Variants in ZNF490 observed in about 807,000 individuals in gnomAD.
ZNF490 encodes zinc finger protein 490.
ZNF490 carries 11 observed loss-of-function variants against 17.7 expected under a neutral mutation model. The ratio of observed to expected loss-of-function variants is 0.62; its 90% CI spans 0.39 to 1.03. ZNF490 has a LOEUF of 1.03. Ranked by LOEUF, ZNF490 falls within the 50% of genes least tolerant of loss-of-function variation. ZNF490 has a pLI of 0.00. For missense variants in ZNF490, 542 were observed against 643.4 expected (o/e 0.84, Z 1.71); for synonymous variants, 222 against 216.1 (o/e 1.03, Z -0.24).
Position 12,578,604 on chromosome 19 carries a change from T to A in ZNF490, c.*1881A>T. The A allele has an allele frequency of 1.0e-6, 1 of 985,498 alleles. No homozygotes were observed. The highest frequency in any genetic ancestry group is 1.2e-6 in the Non-Finnish European group (1 of 829,954). 61.0% of individuals were successfully genotyped at this position (985,498 alleles called of 1,614,324 possible). A position where few individuals can be genotyped will look rare whatever the true frequency, so the allele number is the denominator to read the frequency against. On this transcript the variant is annotated 3_prime_UTR_variant, in exon 5 of 5. Transcript: ENST00000311437. The stretch of plus-strand genomic sequence containing the variant: ...CAATGTCTGTGAATTAGGATGTGCA[T>A]AGGCAGATCCCACTTGGGGAAAAAC...
At chr19:12,599,339 TC>T (rs140618782) in intron 2 of ZNF490, among the ~76,000 whole-genome samples, 2,682 of 152,114 alleles carry the variant, frequency 0.018, 91 homozygotes, top group African/African-American at 0.063. Flanking sequence ...TTAGGACAAG[TC>T]AGAAAGTCAA....
At chr19:12,582,977 G>T in intron 3 of ZNF490, 67 bp from the exon 4 acceptor site, 1 of 1,287,352 alleles carries the variant, frequency 7.8e-7, no homozygotes, top group Non-Finnish European at 1.1e-6. Flanking sequence ...AACACTCTAA[G>T]ATCCATGATT....
In ZNF490 at chr19:12,610,660, G is replaced by C; in HGVS notation, c.21C>G (p.Leu7=). 1.9e-6 allele frequency: 3 copies of C among 1,613,842 alleles called. No individual in the cohort carries two copies. Among genetic ancestry groups the C allele is most frequent in the Middle Eastern group, 1.6e-4 (1 of 6,062 alleles). ...CGAGGGGTCGCTCCATCTGGAAACT[G>C]AGACTGGAATTCCTGCGCATCCCTG... is the stretch of plus-strand genomic sequence containing the variant. The part of the protein sequence containing the change: MRRNSS[L]SFQMERPLEE... The change falls in exon 1 of 5, where the codon CTC becomes CTG. Residue 7 remains leucine (L), a synonymous_variant. Transcript: ENST00000311437.
chr19:12,576,590 T>C lies in ZNF490; in HGVS notation c.*3895A>G, dbSNP rs1198584951. Among the ~76,000 whole-genome samples the C allele has an allele frequency of 1.3e-5, 2 of 149,784 alleles. No individual in the cohort carries two copies. Among genetic ancestry groups the C allele is most frequent in the Admixed American group, 1.3e-4 (2 of 14,978 alleles). On this transcript the variant is annotated 3_prime_UTR_variant, in exon 5 of 5. Transcript: ENST00000311437. Reference sequence around the variant, plus strand: ...AGCACTTTGGGGAGACCGAGGTGGGTGGATCACAAGGTCAGGAGATTGAGA... The same window carrying C: ...AGCACTTTGGGGAGACCGAGGTGGGCGGATCACAAGGTCAGGAGATTGAGA...
intron 2 of ZNF490, among the ~76,000 whole-genome samples, chr19:12,599,387 G>T (rs1463135927): frequency 6.6e-6 from 1 of 152,094 alleles, no homozygotes; most frequent in East Asian, 1.9e-4. Flanking sequence ...AAGAATTTAT[G>T]AAAGGGAACT....
Position 12,580,278 on chromosome 19 carries a change from CA to C in ZNF490, c.*206del. On this transcript the variant is annotated 3_prime_UTR_variant, in exon 5 of 5. Coordinates refer to ENST00000311437, the MANE Select transcript of ZNF490 (RefSeq NM_020714.3). ...CTTTTCTGTCCATGGAGTCCATTCA[CA>C]TATCTGCAATCCCGCAGGAGAGTGC... 7.4e-7 allele frequency: 1 copy of C among 1,350,126 alleles called. No individual in the cohort carries two copies. The allele number at this position is 1,350,126 out of a possible 1,614,324, so 83.6% of individuals were successfully genotyped here. A position where few individuals can be genotyped will look rare whatever the true frequency, so the allele number is the denominator to read the frequency against.
In ZNF490 at chr19:12,580,282, T is replaced by C; in HGVS notation, c.*203A>G. On this transcript the variant is annotated 3_prime_UTR_variant, in exon 5 of 5. Transcript: ENST00000311437. ...TCTGTCCATGGAGTCCATTCACATA[T>C]CTGCAATCCCGCAGGAGAGTGCAAG... 1 of 1,352,714 alleles carries C rather than the reference T, an allele frequency of 7.4e-7. No individual in the cohort carries two copies. 83.8% of individuals were successfully genotyped at this position (1,352,714 alleles called of 1,614,324 possible). A position where few individuals can be genotyped will look rare whatever the true frequency, so the allele number is the denominator to read the frequency against.
intron 2 of ZNF490, chr19:12,597,244 A>C: frequency 2.2e-6 from 1 of 452,898 alleles, no homozygotes; most frequent in Non-Finnish European, 4.5e-6. Context: ...AGCCACAGAC[A>C]GTCCGAGGCT....
chr19:12,592,013 C>A (rs775689848), intron 2 of ZNF490, among the ~76,000 whole-genome samples: 18 of 152,086 alleles, frequency 1.2e-4, no homozygotes, highest in Non-Finnish European at 2.6e-4. Context: ...AATGGATAAA[C>A]CATCTGGTTC....
chr19:12,590,886 G>A (rs957400788), intron 2 of ZNF490, among the ~76,000 whole-genome samples: 2 of 150,542 alleles, frequency 1.3e-5, no homozygotes, highest in Non-Finnish European at 2.9e-5. Flanking sequence ...CAAGACCAAT[G>A]TGGGCAACAT....
chr19:12,605,954 C>T (rs1033617803), intron 2 of ZNF490, among the ~76,000 whole-genome samples: 7 of 151,592 alleles, frequency 4.6e-5, no homozygotes, highest in Admixed American at 4.0e-4. Flanking sequence ...GATCTTGGCT[C>T]ACCGCAACCT....
intron 2 of ZNF490, among the ~76,000 whole-genome samples, chr19:12,597,818 T>C (rs2022953164): frequency 6.6e-6 from 1 of 152,206 alleles, no homozygotes; most frequent in African/African-American, 2.4e-5. Flanking sequence ...GCACGTTGGC[T>C]CAAGCCTGTA....
chr19:12,583,298 C>T, intron 3 of ZNF490, 132 bp downstream of exon 3: 1 of 1,100,176 alleles, frequency 9.1e-7, no homozygotes, highest in African/African-American at 1.6e-5. Flanking sequence ...CTCAGCCTCC[C>T]AAAGCACTGG....
chr19:12,602,740 T>G (rs1274460726), intron 2 of ZNF490, among the ~76,000 whole-genome samples: 1 of 151,358 alleles, frequency 6.6e-6, no homozygotes, highest in African/African-American at 2.4e-5. Context: ...TTCTCTCACC[T>G]CAGCCTCCCG....
In ZNF490 at chr19:12,578,946, G is replaced by A. The variant is rs1212037262; in HGVS notation, c.*1539C>T. The A allele has an allele frequency of 3.0e-6, 3 of 985,364 alleles. No individual in the cohort carries two copies. The African/African-American group carries it at 5.2e-5, about 17-fold the overall frequency. 61.0% of individuals were successfully genotyped at this position (985,364 alleles called of 1,614,324 possible). A position where few individuals can be genotyped will look rare whatever the true frequency, so the allele number is the denominator to read the frequency against. The stretch of plus-strand genomic sequence containing the variant: ...AGAAGGTGGCTCTCCAGTGTGGGTG[G>A]TTTCATGGTTTTAAAATGAACTGGA... On this transcript the variant is annotated 3_prime_UTR_variant, in exon 5 of 5. Transcript: ENST00000311437.
chr19:12,580,973 C>CA lies in ZNF490; in HGVS notation c.1101dup (p.Gly368TrpfsTer8). ...GAACTAGATGACTTGAAGGCTTCCC[C>CA]ACATTTCTTACATGTATAAGGTTGA... On this transcript the variant is annotated frameshift_variant, in exon 5 of 5. Coordinates refer to ENST00000311437, the MANE Select transcript of ZNF490 (RefSeq NM_020714.3). LOFTEE classifies it low-confidence loss of function (END_TRUNC). 1.2e-6 allele frequency: 2 copies of CA among 1,614,196 alleles called. No homozygotes were observed. Among genetic ancestry groups the CA allele is most frequent in the Non-Finnish European group, 1.7e-6 (2 of 1,180,052 alleles).
intron 2 of ZNF490, among the ~76,000 whole-genome samples, chr19:12,599,333 G>A (rs2022975060): frequency 6.6e-6 from 1 of 151,664 alleles, no homozygotes; most frequent in Admixed American, 6.6e-5. Flanking sequence ...GGATGTTTAG[G>A]ACAAGTCAGA....
At chr19:12,606,789 A>G (rs533368284) in intron 2 of ZNF490, among the ~76,000 whole-genome samples, 1 of 152,156 alleles carries the variant, frequency 6.6e-6, no homozygotes, top group Non-Finnish European at 1.5e-5. Flanking sequence ...TATCATTTCC[A>G]TATGGTAGAT....
At chr19:12,609,870 C>A in intron 1 of ZNF490, 2 of 439,110 alleles carry the variant, frequency 4.6e-6, no homozygotes, top group Middle Eastern at 9.5e-4. Context: ...GAAATATTAC[C>A]TATTGGGTAC....
Sources: allele counts gnomAD v4.1 joint callset (sites outside exome capture counted in the v4.1 genomes callset), GRCh38; gene constraint gnomAD v4.1.1; transcripts MANE v1.5; gene names NCBI Gene and HGNC (gene_info 2026-07-23, HGNC 2026-07-21).